Variants in SYNDIG1 observed in about 807,000 individuals in gnomAD.
SYNDIG1 encodes the protein synapse differentiation inducing 1.
Under a neutral mutation model 19.4 loss-of-function variants are expected in SYNDIG1, and 9 were observed. The observed-to-expected ratio is 0.46, with a 90% CI of 0.28 to 0.81. The LOEUF (loss-of-function observed/expected upper bound fraction) is 0.81. SYNDIG1 is among the 30% of genes least tolerant of loss of function. The pLI is 0.12. For synonymous variants in SYNDIG1, 141 were observed against 145.9 expected, an observed-to-expected ratio of 0.97 and a Z score of 0.24; for missense variants, 311 against 343.3, an observed-to-expected ratio of 0.91 and a Z score of 0.74.
At chr20:24,648,939 T>C (rs189234379) in intron 3 of SYNDIG1, among the ~76,000 whole-genome samples, 1 of 152,386 alleles carries the variant, frequency 6.6e-6, no homozygotes, top group East Asian at 1.9e-4. Context: ...CTTGGATATA[T>C]CCTTCATTCA....
chr20:24,598,900 A>G, intron 3 of SYNDIG1, among the ~76,000 whole-genome samples: 1 of 152,212 alleles, frequency 6.6e-6, no homozygotes, highest in East Asian at 1.9e-4. Context: ...AAGAAAACCT[A>G]GGGAAATCGC....
intron 1 of SYNDIG1, among the ~76,000 whole-genome samples, chr20:24,494,057 C>T (rs989644824): frequency 1.3e-5 from 2 of 152,266 alleles, no homozygotes; most frequent in East Asian, 1.9e-4. Flanking sequence ...CACCCCTGCT[C>T]GCTGGGTATG....
At chr20:24,589,161 C>G (rs1018662824) in intron 3 of SYNDIG1, among the ~76,000 whole-genome samples, 2 of 152,132 alleles carry the variant, frequency 1.3e-5, no homozygotes, top group Non-Finnish European at 2.9e-5. Context: ...AGACATGAAT[C>G]CCATAATTGG....
rs747064770 is a variant in SYNDIG1 at position 24,624,181 on chromosome 20, G to A, written c.618+39188G>A. Among the ~76,000 whole-genome samples the A allele has an allele frequency of 5.5e-4, 83 of 151,448 alleles. 1 individual carries two copies. The highest frequency in any genetic ancestry group is 5.2e-4 in the Non-Finnish European group (35 of 67,924). On this transcript the variant is annotated intron_variant, in intron 3 of 3. Transcript: ENST00000376862. The stretch of plus-strand genomic sequence containing the variant: ...GGAGGCAGAAGAATGGCATGAACCC[G>A]GGAGGTGGAGCTTGCAATGAGCCGA...
intron 3 of SYNDIG1, among the ~76,000 whole-genome samples, chr20:24,590,011 G>T (rs1316622890): frequency 2.0e-5 from 3 of 152,228 alleles, no homozygotes; most frequent in Admixed American, 6.5e-5. Context: ...GAGCTAACGT[G>T]CTCGTCGCCT....
intron 1 of SYNDIG1, among the ~76,000 whole-genome samples, chr20:24,499,149 C>G (rs137923377): frequency 3.9e-5 from 6 of 152,144 alleles, no homozygotes; most frequent in Non-Finnish European, 8.8e-5. Flanking sequence ...CTCAGCCTCC[C>G]GAGTAGCTAG....
intron 1 of SYNDIG1, among the ~76,000 whole-genome samples, chr20:24,497,801 T>G (rs2146353027): frequency 6.6e-6 from 1 of 152,368 alleles, no homozygotes; most frequent in Middle Eastern, 3.4e-3. Context: ...AGAGCTTAGC[T>G]TATGGCCCCA....
chr20:24,619,120 T>C (rs923223725), intron 3 of SYNDIG1, among the ~76,000 whole-genome samples: 3 of 152,172 alleles, frequency 2.0e-5, no homozygotes, highest in Non-Finnish European at 4.4e-5. Context: ...AAAGCTGTGG[T>C]CTTGAGTCTA....
In SYNDIG1 at chr20:24,547,616, T is replaced by TG. The variant is rs1165973297; in HGVS notation, c.480+4039_480+4040insG. Reference sequence around the variant, plus strand: ...ATCCTGTGGGGGTGCCCTCAGGGCATCCTGGGTAGTGATAATTGGGCCTGA... The same window carrying TG: ...ATCCTGTGGGGGTGCCCTCAGGGCATGCCTGGGTAGTGATAATTGGGCCTGA... On this transcript the variant is annotated intron_variant, in intron 2 of 3. Transcript: ENST00000376862. Among the ~76,000 whole-genome samples, 4 of 152,210 alleles carry TG rather than the reference T, an allele frequency of 2.6e-5. No homozygotes were observed. The East Asian group carries it at 7.8e-4, about 29-fold the overall frequency.
In SYNDIG1 at chr20:24,500,657, C is replaced by T. The variant is rs112356622; in HGVS notation, c.-79+30904C>T. On this transcript the variant is annotated intron_variant, in intron 1 of 3. Coordinates refer to ENST00000376862, the MANE Select transcript of SYNDIG1 (RefSeq NM_024893.3). ...TAAAACCCAAGCGCACTGCTGTGTG[C>T]AGACACCACAGCATCTTTCTTTAGA... Among the ~76,000 whole-genome samples the T allele has an allele frequency of 4.9e-3, 745 of 152,022 alleles. 11 individuals are homozygous for T. Among genetic ancestry groups the T allele is most frequent in the African/African-American group, 0.017 (724 of 41,414 alleles).
At chr20:24,603,603 C>T (rs544416750) in intron 3 of SYNDIG1, among the ~76,000 whole-genome samples, 4 of 152,222 alleles carry the variant, frequency 2.6e-5, no homozygotes, top group African/African-American at 4.8e-5. Context: ...GGGATGGCAG[C>T]GGAGGGTCAG....
intron 2 of SYNDIG1, among the ~76,000 whole-genome samples, chr20:24,560,063 CTTTTTTTTTT>C (rs60892856): frequency 2.3e-5 from 1 of 43,062 alleles, no homozygotes; most frequent in South Asian, 1.0e-3. Flanking sequence ...CTCTCCTCTC[CTTTTTTTTTT>C]TTTTTTTTTT....
intron 3 of SYNDIG1, among the ~76,000 whole-genome samples, chr20:24,624,537 C>A (rs978830484): frequency 6.6e-6 from 1 of 151,884 alleles, no homozygotes; most frequent in Non-Finnish European, 1.5e-5. Flanking sequence ...CACAAAGAGT[C>A]AAAACATGAG....
chr20:24,600,854 A>C (rs999767597), intron 3 of SYNDIG1, among the ~76,000 whole-genome samples: 1 of 152,086 alleles, frequency 6.6e-6, no homozygotes, highest in African/African-American at 2.4e-5. Context: ...ACCTCAGGCT[A>C]TCTGCCTGCC....
At chr20:24,473,662 C>T (rs1418868054) in intron 1 of SYNDIG1, among the ~76,000 whole-genome samples, 1 of 152,122 alleles carries the variant, frequency 6.6e-6, no homozygotes, top group African/African-American at 2.4e-5. Context: ...TGTCTCCAGG[C>T]TACTCCCTCT....
intron 3 of SYNDIG1, among the ~76,000 whole-genome samples, chr20:24,631,646 G>A (rs768213623): frequency 1.3e-4 from 20 of 152,150 alleles, no homozygotes; most frequent in Admixed American, 7.9e-4. Context: ...AATCTGCTGA[G>A]GCATCTGAGC....
chr20:24,661,518 GGAGGGAGGAAAAA>G (rs1568723332), intron 3 of SYNDIG1, among the ~76,000 whole-genome samples: 31 of 100,888 alleles, frequency 3.1e-4, no homozygotes, highest in South Asian at 1.0e-3. Flanking sequence ...GAGGAAGGAG[GGAGGGAGGAAAAA>G]AGGAGGAAGG....
intron 3 of SYNDIG1, among the ~76,000 whole-genome samples, chr20:24,622,641 C>G (rs1350684586): frequency 6.6e-6 from 1 of 152,186 alleles, no homozygotes. Context: ...TGAGATGGAA[C>G]AGTTTCATCC....
intron 3 of SYNDIG1, among the ~76,000 whole-genome samples, chr20:24,664,530 A>G (rs1435323498): frequency 6.6e-6 from 1 of 152,066 alleles, no homozygotes; most frequent in Non-Finnish European, 1.5e-5. Flanking sequence ...ATCTCACCCC[A>G]TCTGCCAAAT....
Sources: gnomAD v4.1 joint callset for allele counts (sites outside exome capture counted in the v4.1 genomes callset) on GRCh38, gnomAD v4.1.1 for gene constraint, MANE v1.5 for transcripts, NCBI Gene and HGNC (gene_info 2026-07-23, HGNC 2026-07-21) for gene names.